The following PTPN12 variants were observed in gnomAD, a reference collection of about 807,000 sequenced individuals.
PTPN12 encodes the protein protein tyrosine phosphatase non-receptor type 12.
Under a neutral mutation model 97.6 loss-of-function variants are expected in PTPN12, and 29 were observed. The observed-to-expected ratio is 0.30, with a 90% CI of 0.22 to 0.41. The LOEUF is 0.41. Among genes scored for constraint, PTPN12 ranks in the 10% least tolerant of loss-of-function variants. The pLI, the probability that PTPN12 is intolerant of heterozygous loss-of-function variation, is 1.00. For synonymous variants in PTPN12, 327 were observed against 300.4 expected (o/e 1.09, Z -0.91); for missense variants, 819 against 926.0 (o/e 0.88, Z 1.50).
At chr7:77,602,620 TAA>T (rs373802864) in intron 8 of PTPN12, among the ~76,000 whole-genome samples, 1 of 143,442 alleles carries the variant, frequency 7.0e-6, no homozygotes, top group Non-Finnish European at 1.5e-5. Context: ...CCCTATCTTT[TAA>T]AAAAAAAAAA....
rs1789689441 is a variant in PTPN12, at chr7:77,638,606, C to T, written c.2174-18C>T. On this transcript the variant is annotated intron_variant, in intron 16 of 17. Transcript: ENST00000248594. The stretch of plus-strand genomic sequence containing the variant: ...TACAAAGGATGGTGATTAACAAAGG[C>T]TTTGTGTTGCTACTTAGATCATCCA... The T allele has an allele frequency of 1.3e-6, 2 of 1,563,236 alleles. No individual in the cohort carries two copies. The highest frequency in any genetic ancestry group is 1.7e-6 in the Non-Finnish European group (2 of 1,160,876).
At chr7:77,577,600 T>C (rs1200518538) in intron 2 of PTPN12, among the ~76,000 whole-genome samples, 3 of 152,192 alleles carry the variant, frequency 2.0e-5, no homozygotes, top group Admixed American at 1.3e-4. Flanking sequence ...ATTGTGCTTA[T>C]TACATGCAAT....
At chr7:77,560,867 C>G (rs1282029301) in intron 1 of PTPN12, among the ~76,000 whole-genome samples, 1 of 151,630 alleles carries the variant, frequency 6.6e-6, no homozygotes, top group Non-Finnish European at 1.5e-5. Flanking sequence ...CATGGTTGTA[C>G]AAATATCTGT....
chr7:77,639,573 C>A lies in PTPN12; in HGVS notation c.*293C>A. The A allele has an allele frequency of 3.4e-6, 1 of 296,762 alleles. No homozygotes were observed. The allele number at this position is 296,762 out of a possible 1,614,324, so 18.4% of individuals were successfully genotyped here. A position where few individuals can be genotyped will look rare whatever the true frequency, so the allele number is the denominator to read the frequency against. On this transcript the variant is annotated 3_prime_UTR_variant, in exon 18 of 18. Coordinates refer to ENST00000248594, the MANE Select transcript of PTPN12 (RefSeq NM_002835.4). ...CTTTATGATATATTGAGTTTAAGGA[C>A]TACTCTTTTTCTGTTTTATCATGTA...
At chr7:77,633,947 C>T (rs868417595) in intron 14 of PTPN12, among the ~76,000 whole-genome samples, 3 of 151,986 alleles carry the variant, frequency 2.0e-5, no homozygotes, top group African/African-American at 7.2e-5. Flanking sequence ...TGCTTGAACC[C>T]AGGATGCAGA....
Position 77,537,438 on chromosome 7 carries a change from G to A in PTPN12, c.-109G>A. 1.4e-6 allele frequency: 2 copies of A among 1,400,688 alleles called. No individual in the cohort carries two copies. Among genetic ancestry groups the A allele is most frequent in the Admixed American group, 2.8e-5 (1 of 36,028 alleles). The allele number at this position is 1,400,688 out of a possible 1,614,324, so 86.8% of individuals were successfully genotyped here. On this transcript the variant is annotated 5_prime_UTR_variant, in exon 1 of 18. Transcript: ENST00000248594. ...GGAGCCGCGGGGCTTGGCGGGGTCG[G>A]GAGGGAGGGACGTGCTGGGGGAACG... is the stretch of plus-strand genomic sequence containing the variant.
chr7:77,566,005 G>A (rs1014116055), intron 1 of PTPN12, among the ~76,000 whole-genome samples: 1 of 152,180 alleles, frequency 6.6e-6, no homozygotes, highest in East Asian at 1.9e-4. Context: ...TTCACAAGTG[G>A]CAATAGAACA....
intron 12 of PTPN12, among the ~76,000 whole-genome samples, chr7:77,619,703 C>T (rs1001289614): frequency 4.6e-5 from 7 of 152,058 alleles, no homozygotes; most frequent in African/African-American, 9.7e-5. Flanking sequence ...TCGTATTCTC[C>T]GTTTTTAAAA....
chr7:77,595,097 T>A (rs115568660), intron 6 of PTPN12, among the ~76,000 whole-genome samples: 72 of 152,326 alleles, frequency 4.7e-4, no homozygotes, highest in African/African-American at 1.6e-3. Context: ...AACAGATAAC[T>A]TGAAAGGTCT....
At chr7:77,603,271 T>G (rs1788245749) in intron 8 of PTPN12, among the ~76,000 whole-genome samples, 1 of 152,234 alleles carries the variant, frequency 6.6e-6, no homozygotes, top group South Asian at 2.1e-4. Flanking sequence ...TGTTCAATCA[T>G]AAATCCATTT....
At chr7:77,607,008 C>T (rs1158955667) in intron 8 of PTPN12, 1 of 295,776 alleles carries the variant, frequency 3.4e-6, no homozygotes, top group African/African-American at 2.2e-5. Context: ...TAAACTTTAT[C>T]ATAGGTATGT....
intron 6 of PTPN12, among the ~76,000 whole-genome samples, chr7:77,597,588 G>A (rs1287927284): frequency 6.6e-6 from 1 of 151,928 alleles, no homozygotes; most frequent in African/African-American, 2.4e-5. Context: ...TTATTAATGG[G>A]GTACATGTGA....
intron 4 of PTPN12, 196 bp from the exon 5 acceptor site, chr7:77,585,347 C>T (rs1787655706): frequency 2.1e-6 from 1 of 478,900 alleles, no homozygotes; most frequent in Non-Finnish European, 3.7e-6. Context: ...TAATTTGTTG[C>T]TGTATAGTTA....
Position 77,626,829 on chromosome 7 carries a change from A to G in PTPN12, c.1150A>G (p.Asn384Asp), listed in dbSNP as rs1562760205. ...FPTVTTVWQD[N>D]DRYHPKPVLH... is the part of the protein sequence containing the mutation. ...AACAGTCACTACTGTGTGGCAGGACAATGATAGATACCATCCAAAGCCAGT... is the reference window on the plus strand; with the variant it reads ...AACAGTCACTACTGTGTGGCAGGACGATGATAGATACCATCCAAAGCCAGT... The change falls in exon 13 of 18, where the codon AAT (asparagine) becomes GAT (aspartate). Residue 384 changes from asparagine (N) to aspartate (D), a missense_variant. Asn to Asp is a conservative substitution (Grantham distance 23). Coordinates refer to ENST00000248594, the MANE Select transcript of PTPN12 (RefSeq NM_002835.4). The G allele has an allele frequency of 1.9e-6, 3 of 1,614,106 alleles. No homozygotes were observed. The highest frequency in any genetic ancestry group is 2.5e-6 in the Non-Finnish European group (3 of 1,179,976).
intron 1 of PTPN12, among the ~76,000 whole-genome samples, chr7:77,542,394 T>G (rs753946230): frequency 1.3e-5 from 2 of 152,154 alleles, no homozygotes; most frequent in Admixed American, 6.5e-5. Context: ...TTAGTCTGGG[T>G]TTCTGGAGCA....
chr7:77,537,702 C>T, intron 1 of PTPN12, 57 bp downstream of exon 1: 1 of 1,518,412 alleles, frequency 6.6e-7, no homozygotes, highest in Non-Finnish European at 8.9e-7. Context: ...CCATCGCCGC[C>T]TCTCCCGGCC....
intron 6 of PTPN12, among the ~76,000 whole-genome samples, chr7:77,597,231 C>T (rs773535003): frequency 4.6e-5 from 7 of 152,180 alleles, no homozygotes; most frequent in African/African-American, 7.2e-5. Flanking sequence ...TCAAGCAATT[C>T]TACTGCCTCA....
chr7:77,627,233 C>T lies in PTPN12; in HGVS notation c.1554C>T (p.Asp518=). 2 of 1,614,084 alleles carry T rather than the reference C, an allele frequency of 1.2e-6. No homozygotes were observed. The highest frequency in any genetic ancestry group is 1.1e-5 in the South Asian group (1 of 91,078). ...VTPPEESQNS[D]TPPRPDRLPL... is the part of the protein sequence containing the mutation. ...CACCAGAAGAATCCCAGAATTCAGA[C>T]ACACCTCCAAGGCCAGACCGCTTGC... Residue 518 remains aspartate (D), a synonymous_variant, in exon 13 of 18, where the codon GAC becomes GAT. Transcript: ENST00000248594.
intron 7 of PTPN12, among the ~76,000 whole-genome samples, chr7:77,598,581 G>A (rs1295802628): frequency 2.0e-5 from 3 of 152,032 alleles, no homozygotes; most frequent in Admixed American, 1.3e-4. Flanking sequence ...TACTCAGGAG[G>A]CTGAGGCACT....
Sources: gnomAD v4.1 joint callset for allele counts (sites outside exome capture counted in the v4.1 genomes callset) on GRCh38, gnomAD v4.1.1 for gene constraint, MANE v1.5 for transcripts, NCBI Gene and HGNC (gene_info 2026-07-23, HGNC 2026-07-21) for gene names.